Variants in CACNA1D observed in about 807,000 individuals in gnomAD.
CACNA1D encodes voltage-dependent L-type calcium channel subunit alpha-1D.
CACNA1D carries 55 observed loss-of-function variants against 257.1 expected under a neutral mutation model. The observed-to-expected ratio is 0.21, with a 90% CI of 0.17 to 0.27. The LOEUF (loss-of-function observed/expected upper bound fraction) is 0.27, where lower values mean the gene tolerates loss of function less well. Ranked by LOEUF, CACNA1D falls within the 10% of genes least tolerant of loss-of-function variation. CACNA1D has a pLI of 1.00. For missense variants in CACNA1D, 1,876 were observed against 2,784.0 expected (o/e 0.67, Z 7.34); for synonymous variants, 980 against 1,014.9 (o/e 0.97, Z 0.65).
chr3:53,701,823 G>C (rs1423498894), intron 8 of CACNA1D, among the ~76,000 whole-genome samples: 1 of 152,218 alleles, frequency 6.6e-6, no homozygotes, highest in African/African-American at 2.4e-5. Flanking sequence ...ATGGTGGAAA[G>C]TAGCATAAAC....
intron 3 of CACNA1D, among the ~76,000 whole-genome samples, chr3:53,633,505 T>C (rs977313476): frequency 6.6e-6 from 1 of 152,124 alleles, no homozygotes; most frequent in African/African-American, 2.4e-5. Flanking sequence ...TTGCCCAAGG[T>C]TATATAGCTT....
chr3:53,748,285 G>A (rs937088701), intron 26 of CACNA1D, among the ~76,000 whole-genome samples: 2 of 152,194 alleles, frequency 1.3e-5, no homozygotes, highest in Non-Finnish European at 2.9e-5. Flanking sequence ...CTGGATACCC[G>A]GTCCCCATGC....
intron 3 of CACNA1D, among the ~76,000 whole-genome samples, chr3:53,560,468 T>A (rs1559842070): frequency 6.6e-6 from 1 of 152,218 alleles, no homozygotes. Flanking sequence ...TAGGATGTAT[T>A]CATAATATGT....
intron 9 of CACNA1D, 56 bp downstream of exon 9, chr3:53,702,866 C>T (rs1402137218): frequency 2.5e-6 from 4 of 1,595,214 alleles, no homozygotes; most frequent in Middle Eastern, 1.9e-4. Context: ...GGTTCAGACG[C>T]CTAGCAGTAG....
intron 40 of CACNA1D, among the ~76,000 whole-genome samples, chr3:53,787,190 G>A (rs1050121053): frequency 6.6e-6 from 1 of 152,074 alleles, no homozygotes; most frequent in Admixed American, 6.5e-5. Context: ...CGGCAGGGCT[G>A]CCAGGACGGA....
At position 53,691,894 on chromosome 3, in the gene CACNA1D, A is replaced by C. The variant is rs1304920283; in HGVS notation, c.1221-10747A>C. On this transcript the variant is annotated intron_variant, in intron 8 of 47. Coordinates refer to ENST00000350061, the MANE Select transcript of CACNA1D (RefSeq NM_001128840.3). Reference sequence around the variant, plus strand: ...ATATTACATATAATATATATTATATATATTACATATATTATATATAATATA... The same window carrying C: ...ATATTACATATAATATATATTATATCTATTACATATATTATATATAATATA... 1.6e-4 allele frequency among the ~76,000 whole-genome samples: 7 copies of C among 43,676 alleles called. 1 individual carries two copies. The South Asian group carries it at 4.2e-3, about 26-fold the overall frequency. 28.7% of individuals were successfully genotyped at this position (43,676 alleles called of 152,430 possible).
intron 8 of CACNA1D, among the ~76,000 whole-genome samples, chr3:53,696,074 C>T (rs1181439853): frequency 6.6e-6 from 1 of 152,206 alleles, no homozygotes; most frequent in African/African-American, 2.4e-5. Flanking sequence ...GGTGATCCTC[C>T]TGCCTCAGCC....
Position 53,495,425 on chromosome 3 carries a change from G to T in CACNA1D, c.67+192G>T, listed in dbSNP as rs2090301061. Among the ~76,000 whole-genome samples, 1 of 152,180 alleles carries T rather than the reference G, an allele frequency of 6.6e-6. No individual in the cohort carries two copies. Among genetic ancestry groups the T allele is most frequent in the Non-Finnish European group, 1.5e-5 (1 of 68,032 alleles). On this transcript the variant is annotated intron_variant, in intron 1 of 47. Coordinates refer to ENST00000350061, the MANE Select transcript of CACNA1D (RefSeq NM_001128840.3). The surrounding 1 kb of genome is among the most constrained non-coding windows in gnomAD (Gnocchi z 5.1). ...GCTCCCCTCCAGGCCCTGAATGTCA[G>T]AGTTAATTCTGCATTTGTGGGGTGG...
rs57318445 is a variant in CACNA1D at position 53,586,276 on chromosome 3, CTGTGTGTGTGTG to C, written c.484-64470_484-64459del. The stretch of plus-strand genomic sequence containing the variant: ...CCACTGACGTTTCCTTGCCTCTATT[CTGTGTGTGTGTG>C]TGTGTGTGTGTGTGTGTGTGTGTGT... On this transcript the variant is annotated intron_variant, in intron 3 of 47. Transcript: ENST00000350061. Among the ~76,000 whole-genome samples the C allele has an allele frequency of 1.3e-3, 175 of 136,024 alleles. 2 individuals are homozygous for C. The highest frequency in any genetic ancestry group is 2.1e-3 in the South Asian group (8 of 3,750). The allele number at this position is 136,024 out of a possible 152,430, so 89.2% of individuals were successfully genotyped here. A position where few individuals can be genotyped will look rare whatever the true frequency, so the allele number is the denominator to read the frequency against.
intron 8 of CACNA1D, among the ~76,000 whole-genome samples, chr3:53,681,677 G>A (rs1398513138): frequency 6.6e-6 from 1 of 152,130 alleles, no homozygotes; most frequent in Admixed American, 6.5e-5. Context: ...TTCTTTCTTC[G>A]TGAAGCTTAT....
chr3:53,716,178 A>T (rs1296855695), intron 9 of CACNA1D, among the ~76,000 whole-genome samples: 1 of 152,244 alleles, frequency 6.6e-6, no homozygotes, highest in Non-Finnish European at 1.5e-5. Context: ...ACTGTTAAAG[A>T]TGGAAATGAC....
At chr3:53,641,035 GA>G (rs2093944254) in intron 3 of CACNA1D, among the ~76,000 whole-genome samples, 1 of 152,188 alleles carries the variant, frequency 6.6e-6, no homozygotes, top group Non-Finnish European at 1.5e-5. Context: ...TTCAGTCTTG[GA>G]AAAGAGCAGA....
intron 8 of CACNA1D, among the ~76,000 whole-genome samples, chr3:53,687,965 T>G (rs139243901): frequency 0.017 from 2,544 of 152,362 alleles, 71 homozygotes; most frequent in African/African-American, 0.057. Context: ...GCAACTGATA[T>G]GCTCATACAT....
At chr3:53,532,616 A>T (rs2091984736) in intron 3 of CACNA1D, among the ~76,000 whole-genome samples, 1 of 152,222 alleles carries the variant, frequency 6.6e-6, no homozygotes, top group African/African-American at 2.4e-5. Flanking sequence ...AAAGTGGCCT[A>T]TTGACTAGAA....
intron 3 of CACNA1D, among the ~76,000 whole-genome samples, chr3:53,533,115 A>G (rs1050827125): frequency 1.3e-5 from 2 of 152,276 alleles, no homozygotes; most frequent in South Asian, 4.2e-4. Flanking sequence ...TTATTAATAT[A>G]TCTGTGTTTC....
intron 46 of CACNA1D, 143 bp downstream of exon 46, chr3:53,808,913 A>G (rs1292500341): frequency 1.2e-6 from 1 of 826,886 alleles, no homozygotes; most frequent in African/African-American, 1.7e-5. Flanking sequence ...CTTTGTAACA[A>G]TCCTGTCAAA....
chr3:53,660,244 G>A lies in CACNA1D; in HGVS notation c.735G>A (p.Leu245=), dbSNP rs377105092. ...AAGCCCTCCGTGCCTTTCGAGTGTT[G>A]CGACCACTTCGACTAGTGTCAGGAG... ...DVKALRAFRV[L]RPLRLVSGVP... The change falls in exon 5 of 48, where the codon TTG becomes TTA. Residue 245 remains leucine, a synonymous_variant. Coordinates refer to ENST00000350061, the MANE Select transcript of CACNA1D (RefSeq NM_001128840.3). 6.2e-7 allele frequency: 1 copy of A among 1,613,996 alleles called. No individual in the cohort carries two copies. The highest frequency in any genetic ancestry group is 1.3e-5 in the African/African-American group (1 of 74,902).
intron 39 of CACNA1D, chr3:53,783,088 C>T (rs1464956235): frequency 1.3e-5 from 2 of 152,152 alleles, no homozygotes; most frequent in South Asian, 2.1e-4. Flanking sequence ...TCTTTAAATA[C>T]AGATGCATGC....
At chr3:53,598,148 C>T (rs1456912244) in intron 3 of CACNA1D, among the ~76,000 whole-genome samples, 1 of 152,076 alleles carries the variant, frequency 6.6e-6, no homozygotes, top group Non-Finnish European at 1.5e-5. Context: ...GGGTGCTTGG[C>T]AGTAAGAATA....
Sources: gnomAD v4.1 joint callset for allele counts (sites outside exome capture counted in the v4.1 genomes callset) on GRCh38, gnomAD v4.1.1 for gene constraint, Gnocchi (gnomAD v3.1) non-coding constraint, MANE v1.5 for transcripts, NCBI Gene and HGNC (gene_info 2026-07-23, HGNC 2026-07-21) for gene names.